Variants in MAPK11 observed in about 807,000 individuals in gnomAD.
MAPK11 encodes the protein mitogen-activated protein kinase 11.
A neutral mutation model predicts 52.2 loss-of-function variants in MAPK11; 44 were observed. That is an observed-to-expected ratio of 0.84 (90% confidence interval 0.66 to 1.08). The LOEUF (loss-of-function observed/expected upper bound fraction) is 1.08, where lower values mean the gene tolerates loss of function less well. MAPK11 is among the 50% of genes least tolerant of loss of function. The probability of loss-of-function intolerance (pLI) is 0.00; values close to 1 mark genes in which losing one functional copy is unlikely to be tolerated. For synonymous variants in MAPK11, 233 were observed against 206.3 expected, an observed-to-expected ratio of 1.13 and a Z score of -1.11; for missense variants, 436 against 494.7, an observed-to-expected ratio of 0.88 and a Z score of 1.13.
intron 9 of MAPK11, 111 bp downstream of exon 9, chr22:50,266,115 C>T: frequency 1.1e-6 from 1 of 883,208 alleles, no homozygotes; most frequent in Non-Finnish European, 1.7e-6. Context: ...TCTATCCCAC[C>T]ACATCCCATG....
In MAPK11 at chr22:50,264,617, G is replaced by A; in HGVS notation, c.*331C>T. On this transcript the variant is annotated 3_prime_UTR_variant, in exon 12 of 12. Transcript: ENST00000330651. ...CTGACACTCCCTTGGGTCGGCCTGG[G>A]ACAGACAGGGGAACTCCGCAGGGGA... 4.1e-6 allele frequency: 1 copy of A among 241,656 alleles called. No homozygotes were observed. Among genetic ancestry groups the A allele is most frequent in the Non-Finnish European group, 8.1e-6 (1 of 122,834 alleles). 15.0% of individuals were successfully genotyped at this position (241,656 alleles called of 1,614,324 possible).
chr22:50,268,373 A>G (rs747336263), intron 1 of MAPK11, among the ~76,000 whole-genome samples: 14 of 152,192 alleles, frequency 9.2e-5, no homozygotes, highest in African/African-American at 2.2e-4. Flanking sequence ...GGAGGCTCAC[A>G]GAGGGGGATT....
At position 50,267,823 on chromosome 22, in the gene MAPK11, C is replaced by G. The variant is rs766209362; in HGVS notation, c.243G>C (p.Glu81Asp). 1.9e-6 allele frequency: 3 copies of G among 1,549,806 alleles called. No homozygotes were observed. Among genetic ancestry groups the G allele is most frequent in the Middle Eastern group, 1.7e-4 (1 of 5,764 alleles). ...CCACGGCCCTCCCCCGGCTCACGTT[C>G]TCGTGCTTCAGGTGCTTGAGCAGCC... ...ELRLLKHLKH[E>D]NVIGLLDVFT... Residue 81 changes from glutamate to aspartate, a missense_variant, in exon 2 of 12, where the codon GAG becomes GAC. Glu to Asp is a conservative substitution (Grantham distance 45). Coordinates refer to ENST00000330651, the MANE Select transcript of MAPK11 (RefSeq NM_002751.7).
In MAPK11 at chr22:50,267,110, CT is replaced by C; in HGVS notation, c.495+16del. 3 of 1,611,744 alleles carry C rather than the reference CT, an allele frequency of 1.9e-6. No individual in the cohort carries two copies. The highest frequency in any genetic ancestry group is 1.7e-6 in the Non-Finnish European group (2 of 1,179,506). On this transcript the variant is annotated intron_variant, in intron 6 of 11. Transcript: ENST00000330651. ...GGCTCCGCCGCCGCCCTGCCCACCC[CT>C]GCCCACGGGCCTCACCCTGAGCTCA...
chr22:50,266,891 C>G, intron 7 of MAPK11, 43 bp downstream of exon 7: 2 of 1,556,148 alleles, frequency 1.3e-6, no homozygotes, highest in Non-Finnish European at 1.8e-6. Context: ...GAGGGCCAGA[C>G]GAGGCCCTTG....
chr22:50,267,884 G>T lies in MAPK11; in HGVS notation c.182C>A (p.Ser61Ter). The change falls in exon 2 of 12, where the codon TCG (serine) becomes TAG (stop). Residue 61 changes from serine (S) to a stop codon, truncating the protein, a stop_gained. Coordinates refer to ENST00000330651, the MANE Select transcript of MAPK11 (RefSeq NM_002751.7). LOFTEE classifies it high-confidence loss of function. The stretch of plus-strand genomic sequence containing the variant: ...GTACGTTCTGCGCGCGTGGATCAGC[G>T]ACTGGAAGGGGCGCGACAGCTTCTT... ...AVKKLSRPFQ[S>*]LIHARRTYRE... The T allele has an allele frequency of 6.3e-7, 1 of 1,589,654 alleles. No homozygotes were observed. Among genetic ancestry groups the T allele is most frequent in the East Asian group, 2.4e-5 (1 of 42,320 alleles).
chr22:50,267,057 A>G lies in MAPK11; in HGVS notation c.496-9T>C, dbSNP rs748254694. The G allele has an allele frequency of 1.2e-6, 2 of 1,611,640 alleles. No homozygotes were observed. Among genetic ancestry groups the G allele is most frequent in the South Asian group, 2.2e-5 (2 of 91,028 alleles). The stretch of plus-strand genomic sequence containing the variant: ...AGCCCAAAATCCAGGATCTGGGGCG[A>G]CCACGTGGTGTTCTCAAGCTCCGCA... On this transcript the variant is annotated splice_polypyrimidine_tract_variant and intron_variant, in intron 6 of 11. Transcript: ENST00000330651.
intron 1 of MAPK11, among the ~76,000 whole-genome samples, chr22:50,269,452 C>G (rs1484335702): frequency 6.6e-6 from 1 of 152,234 alleles, no homozygotes; most frequent in African/African-American, 2.4e-5. Flanking sequence ...GAGGACTCAG[C>G]TGCACCTCTC....
Position 50,268,345 on chromosome 22 carries a change from A to G in MAPK11, c.117-396T>C, listed in dbSNP as rs528186003. ...CAGCAGACGGGCCTCCCTCTGCCCC[A>G]TAGACCCCATGGGCCCAGGAGGCTC... On this transcript the variant is annotated intron_variant, in intron 1 of 11. Transcript: ENST00000330651. Among the ~76,000 whole-genome samples the G allele has an allele frequency of 7.2e-5, 11 of 152,300 alleles. No homozygotes were observed. In the South Asian group the frequency reaches 1.2e-3, roughly 17 times the overall value.
Position 50,267,550 on chromosome 22 carries a change from C to A in MAPK11, c.305+19G>T. 6.5e-7 allele frequency: 1 copy of A among 1,539,710 alleles called. No homozygotes were observed. The highest frequency in any genetic ancestry group is 8.8e-7 in the Non-Finnish European group (1 of 1,140,938). ...ACCGCGAACGCGCTCCCCGCTGCCT[C>A]GCCCGCCCCGCCGCTCACACTTCGC... is the stretch of plus-strand genomic sequence containing the variant. On this transcript the variant is annotated intron_variant, in intron 3 of 11. Transcript: ENST00000330651.
rs755796087 is a variant in MAPK11, at chr22:50,267,959, G to A, written c.117-10C>T. 1.3e-6 allele frequency: 2 copies of A among 1,543,476 alleles called. No homozygotes were observed. The highest frequency in any genetic ancestry group is 2.6e-5 in the East Asian group (1 of 38,382). ...GGCGTCGTAGGCCGAACTGGAAGGC[G>A]GGCGAGTGAGGCGGCGCCGGGAGGG... On this transcript the variant is annotated splice_polypyrimidine_tract_variant and intron_variant, in intron 1 of 11. Transcript: ENST00000330651.
At chr22:50,266,335 AG>A in intron 8 of MAPK11, 30 bp from the exon 9 acceptor site, 4 of 1,584,578 alleles carry the variant, frequency 2.5e-6, no homozygotes, top group Non-Finnish European at 3.4e-6. Context: ...CCCACGGGCC[AG>A]CCACAGACCC....
intron 1 of MAPK11, among the ~76,000 whole-genome samples, chr22:50,269,551 C>T (rs1411511066): frequency 6.6e-6 from 1 of 152,254 alleles, no homozygotes; most frequent in Non-Finnish European, 1.5e-5. Flanking sequence ...GCCCCTCCAG[C>T]CCTGGCTACC....
Position 50,266,696 on chromosome 22 carries a change from G to C in MAPK11, c.611-85C>G, listed in dbSNP as rs1298678473. On this transcript the variant is annotated intron_variant, in intron 7 of 11. Coordinates refer to ENST00000330651, the MANE Select transcript of MAPK11 (RefSeq NM_002751.7). ...ACCCACAGTCACATCCAGACCCCAA[G>C]ATGGGCAGACCCCCTCCTCTGCCAT... The C allele has an allele frequency of 4.5e-6, 6 of 1,342,588 alleles. No individual in the cohort carries two copies. In the Admixed American group the frequency reaches 7.4e-5, roughly 17 times the overall value. The allele number at this position is 1,342,588 out of a possible 1,614,324, so 83.2% of individuals were successfully genotyped here. A position where few individuals can be genotyped will look rare whatever the true frequency, so the allele number is the denominator to read the frequency against.
At position 50,267,145 on chromosome 22, in the gene MAPK11, G is replaced by A; in HGVS notation, c.477C>T (p.Asn159=). 4 of 1,612,012 alleles carry A rather than the reference G, an allele frequency of 2.5e-6. No individual in the cohort carries two copies. The highest frequency in any genetic ancestry group is 3.4e-6 in the Non-Finnish European group (4 of 1,179,636). ...GCCTCACCCTGAGCTCACAGTCCTC[G>A]TTCACAGCCACGTTGCTGGGCTTCA... The part of the protein sequence containing the change: ...RDLKPSNVAV[N]EDCELRILDF... Residue 159 remains asparagine, a synonymous_variant, in exon 6 of 12, where the codon AAC becomes AAT. Transcript: ENST00000330651.
In MAPK11 at chr22:50,266,329, C is replaced by T. The variant is rs368232733; in HGVS notation, c.683-24G>A. 3.8e-5 allele frequency: 61 copies of T among 1,590,734 alleles called. 1 individual carries two copies. The highest frequency in any genetic ancestry group is 3.6e-4 in the East Asian group (16 of 44,096). ...GTCTGTGTCACTCAGGAAACACCCA[C>T]GGGCCAGCCACAGACCCCTCCTGGG... On this transcript the variant is annotated intron_variant, in intron 8 of 11. Coordinates refer to ENST00000330651, the MANE Select transcript of MAPK11 (RefSeq NM_002751.7).
In MAPK11 at chr22:50,265,460, G is replaced by A. The variant is rs779478335; in HGVS notation, c.876C>T (p.Asp292=). 3 of 1,613,172 alleles carry A rather than the reference G, an allele frequency of 1.9e-6. No homozygotes were observed. Among genetic ancestry groups the A allele is most frequent in the South Asian group, 2.2e-5 (2 of 91,088 alleles). Residue 292 remains aspartate, a synonymous_variant, in exon 11 of 12, where the codon GAC becomes GAT. Transcript: ENST00000330651. Reference sequence around the variant, plus strand: ...CAGCTGCACTGACCCTCTGGTCACTGTCCAGCACCAGCATCCTTCCAAGGA... The same window carrying A: ...CAGCTGCACTGACCCTCTGGTCACTATCCAGCACCAGCATCCTTCCAAGGA... ...IDLLGRMLVL[D]SDQRVSAAEA...
At chr22:50,267,977 C>T (rs887193418) in intron 1 of MAPK11, 28 bp from the exon 2 acceptor site, 4 of 1,502,896 alleles carry the variant, frequency 2.7e-6, no homozygotes, top group Middle Eastern at 1.8e-4. Context: ...GAGGCGGCGC[C>T]GGGAGGGGTC....
intron 1 of MAPK11, among the ~76,000 whole-genome samples, chr22:50,269,295 C>T (rs554895361): frequency 4.6e-5 from 7 of 152,184 alleles, no homozygotes; most frequent in East Asian, 1.9e-4. Flanking sequence ...CCCCTGATGC[C>T]GGCTCCTGAG....
Sources: allele counts gnomAD v4.1 joint callset (sites outside exome capture counted in the v4.1 genomes callset), GRCh38; gene constraint gnomAD v4.1.1; transcripts MANE v1.5; gene names NCBI Gene and HGNC (gene_info 2026-07-23, HGNC 2026-07-21).